The following OSBPL1A variants were observed in gnomAD, a reference collection of about 807,000 sequenced individuals.
The protein encoded by OSBPL1A is oxysterol binding protein like 1A.
In OSBPL1A, 80 loss-of-function variants were observed where a neutral mutation model predicts 137.1. The ratio of observed to expected loss-of-function variants is 0.58; its 90% CI spans 0.49 to 0.70. The LOEUF is 0.70. Among genes scored for constraint, OSBPL1A ranks in the 30% least tolerant of loss-of-function variants. The pLI, the probability that OSBPL1A is intolerant of heterozygous loss-of-function variation, is 0.00. For synonymous variants in OSBPL1A, 365 were observed against 389.7 expected (o/e 0.94, Z 0.75); for missense variants, 970 against 1,129.4 (o/e 0.86, Z 2.02).
chr18:24,345,588 A>C (rs1285282978), intron 4 of OSBPL1A, among the ~76,000 whole-genome samples: 1 of 152,174 alleles, frequency 6.6e-6, no homozygotes, highest in African/African-American at 2.4e-5. Context: ...TGGGAGGCTG[A>C]GGCAGAAGAA....
At chr18:24,317,549 G>A (rs185192946) in intron 9 of OSBPL1A, 149 bp from the exon 10 acceptor site, 2 of 673,848 alleles carry the variant, frequency 3.0e-6, no homozygotes, top group Non-Finnish European at 5.3e-6. Flanking sequence ...CATGAACTTA[G>A]GTACTAAGTG....
At chr18:24,194,235 C>T (rs1487263025) in intron 18 of OSBPL1A, among the ~76,000 whole-genome samples, 3 of 152,170 alleles carry the variant, frequency 2.0e-5, no homozygotes, top group Non-Finnish European at 4.4e-5. Flanking sequence ...AGATACAGTA[C>T]AAATTCTATA....
chr18:24,198,791 A>G (rs2087116347), intron 17 of OSBPL1A, among the ~76,000 whole-genome samples: 1 of 151,836 alleles, frequency 6.6e-6, no homozygotes, highest in Admixed American at 6.6e-5. Flanking sequence ...CAGCAGGCAG[A>G]GCGTTCCCGA....
At chr18:24,261,516 A>T (rs932653076) in intron 15 of OSBPL1A, among the ~76,000 whole-genome samples, 2 of 152,244 alleles carry the variant, frequency 1.3e-5, no homozygotes, top group African/African-American at 4.8e-5. Flanking sequence ...TTAAAACAAT[A>T]ATACATTTCA....
chr18:24,216,366 G>T (rs967200638), intron 17 of OSBPL1A, among the ~76,000 whole-genome samples: 2 of 152,194 alleles, frequency 1.3e-5, no homozygotes, highest in Non-Finnish European at 2.9e-5. Flanking sequence ...AATTAGCTGG[G>T]CGTGGCAGCG....
chr18:24,392,286 G>A lies in OSBPL1A; in HGVS notation c.-3+5369C>T, dbSNP rs534057913. ...AGTGATTCTCCTGCCTCAGCCTCCC[G>A]AGTAGCAGGGATTACAAGCATGTGC... On this transcript the variant is annotated intron_variant, in intron 1 of 27. Coordinates refer to ENST00000319481, the MANE Select transcript of OSBPL1A (RefSeq NM_080597.4). 4.6e-5 allele frequency among the ~76,000 whole-genome samples: 7 copies of A among 152,138 alleles called. No homozygotes were observed. In the South Asian group the frequency reaches 1.0e-3, roughly 23 times the overall value.
intron 18 of OSBPL1A, among the ~76,000 whole-genome samples, chr18:24,188,937 G>A (rs2086820765): frequency 6.6e-6 from 1 of 152,162 alleles, no homozygotes. Context: ...CAACCAATAT[G>A]TGTGTATATT....
intron 5 of OSBPL1A, among the ~76,000 whole-genome samples, chr18:24,340,288 T>A (rs2091252519): frequency 6.6e-6 from 1 of 152,254 alleles, no homozygotes; most frequent in Non-Finnish European, 1.5e-5. Flanking sequence ...TCATGTTTTC[T>A]TAAATGCAAA....
intron 4 of OSBPL1A, among the ~76,000 whole-genome samples, chr18:24,354,291 A>G (rs2091495249): frequency 1.3e-5 from 2 of 151,984 alleles, no homozygotes; most frequent in African/African-American, 2.4e-5. Context: ...CACATCCTCT[A>G]CTCCTACCCC....
chr18:24,326,051 C>A (rs1267500395), intron 7 of OSBPL1A, among the ~76,000 whole-genome samples: 1 of 151,606 alleles, frequency 6.6e-6, no homozygotes, highest in Non-Finnish European at 1.5e-5. Flanking sequence ...CATAGCTAGC[C>A]CCTTATTTTT....
chr18:24,185,627 C>G (rs989638556), intron 18 of OSBPL1A, among the ~76,000 whole-genome samples: 6 of 152,018 alleles, frequency 3.9e-5, no homozygotes, highest in Non-Finnish European at 2.9e-5. Context: ...CCAGGTTCAC[C>G]GATTGTAACA....
intron 21 of OSBPL1A, among the ~76,000 whole-genome samples, chr18:24,174,056 T>G (rs1205020413): frequency 1.3e-5 from 2 of 152,242 alleles, no homozygotes; most frequent in Non-Finnish European, 2.9e-5. Flanking sequence ...TCTGTGTTGT[T>G]CTACGTATCA....
At chr18:24,291,557 T>A in intron 14 of OSBPL1A, among the ~76,000 whole-genome samples, 1 of 152,040 alleles carries the variant, frequency 6.6e-6, no homozygotes, top group East Asian at 1.9e-4. Context: ...CAGGAGAGAA[T>A]ATAAAGAATG....
intron 15 of OSBPL1A, among the ~76,000 whole-genome samples, chr18:24,246,473 G>T (rs1337202229): frequency 6.6e-6 from 1 of 151,850 alleles, no homozygotes; most frequent in Non-Finnish European, 1.5e-5. Flanking sequence ...CTGAAAAGGG[G>T]ATGGAGGAGC....
intron 5 of OSBPL1A, among the ~76,000 whole-genome samples, chr18:24,341,169 A>G (rs1452798749): frequency 6.6e-6 from 1 of 151,896 alleles, no homozygotes; most frequent in Non-Finnish European, 1.5e-5. Context: ...TTAATTTTTA[A>G]TTTTTTTAAA....
chr18:24,241,916 C>T (rs1483135577), intron 15 of OSBPL1A, among the ~76,000 whole-genome samples: 2 of 152,070 alleles, frequency 1.3e-5, no homozygotes, highest in South Asian at 2.1e-4. Flanking sequence ...GAAAATGTGG[C>T]ACATATACAC....
chr18:24,322,464 G>A (rs2090883988), intron 7 of OSBPL1A, among the ~76,000 whole-genome samples: 1 of 151,968 alleles, frequency 6.6e-6, no homozygotes, highest in Non-Finnish European at 1.5e-5. Flanking sequence ...GATTTATAGA[G>A]CTGCTGATGG....
chr18:24,301,022 G>A (rs1306176871), intron 14 of OSBPL1A, among the ~76,000 whole-genome samples: 1 of 152,106 alleles, frequency 6.6e-6, no homozygotes, highest in East Asian at 1.9e-4. Context: ...TAAAGCACAT[G>A]GCAGGTAAAA....
intron 27 of OSBPL1A, among the ~76,000 whole-genome samples, chr18:24,164,445 T>G (rs1367782653): frequency 7.5e-6 from 1 of 133,178 alleles, no homozygotes; most frequent in African/African-American, 2.8e-5. Flanking sequence ...TTTTTTTTTT[T>G]TGAGACGGAG....
Sources: gnomAD v4.1 joint callset for allele counts (sites outside exome capture counted in the v4.1 genomes callset) on GRCh38, gnomAD v4.1.1 for gene constraint, MANE v1.5 for transcripts, NCBI Gene and HGNC (gene_info 2026-07-23, HGNC 2026-07-21) for gene names.